The following LMBRD1 variants were observed in gnomAD, a reference collection of about 807,000 sequenced individuals.
LMBRD1 encodes lysosomal cobalamin transport escort protein LMBD1.
LMBRD1 carries 64 observed loss-of-function variants against 74.8 expected under a neutral mutation model. That is an observed-to-expected ratio of 0.86 (90% confidence interval 0.70 to 1.05). LMBRD1 has a LOEUF of 1.05. Ranked by LOEUF, LMBRD1 falls within the 50% of genes least tolerant of loss-of-function variation. The pLI is 0.00. For missense variants in LMBRD1, 652 were observed against 645.9 expected (o/e 1.01, Z -0.10); for synonymous variants, 204 against 216.3 (o/e 0.94, Z 0.50).
intron 7 of LMBRD1, among the ~76,000 whole-genome samples, chr6:69,719,755 A>C (rs993343429): frequency 6.6e-6 from 1 of 152,206 alleles, no homozygotes; most frequent in Admixed American, 6.5e-5. Context: ...ATTACTGACC[A>C]TATTTCCTTA....
At chr6:69,678,891 T>C (rs1222178531) in intron 14 of LMBRD1, among the ~76,000 whole-genome samples, 1 of 152,018 alleles carries the variant, frequency 6.6e-6, no homozygotes, top group Non-Finnish European at 1.5e-5. Flanking sequence ...TTTATCAACA[T>C]ATAAGACTTG....
chr6:69,741,591 G>A (rs917909164), intron 6 of LMBRD1, among the ~76,000 whole-genome samples, 198 bp downstream of exon 6: 1 of 152,034 alleles, frequency 6.6e-6, no homozygotes. Context: ...TGGCCATGTT[G>A]GCCAGGCTGG....
chr6:69,692,161 A>G (rs538596530), intron 14 of LMBRD1, among the ~76,000 whole-genome samples: 3 of 152,224 alleles, frequency 2.0e-5, no homozygotes, highest in South Asian at 4.2e-4. Flanking sequence ...AGTTTGGTAC[A>G]TAGGTTTCCA....
At chr6:69,681,318 A>G (rs946940487) in intron 14 of LMBRD1, among the ~76,000 whole-genome samples, 4 of 152,066 alleles carry the variant, frequency 2.6e-5, no homozygotes, top group Admixed American at 2.0e-4. Context: ...AAACAGAGAA[A>G]TAACAGGAAA....
chr6:69,716,291 A>G (rs889598021), intron 8 of LMBRD1, among the ~76,000 whole-genome samples: 1 of 151,828 alleles, frequency 6.6e-6, no homozygotes, highest in African/African-American at 2.4e-5. Context: ...TTATTTTTTG[A>G]CTTTTTAATA....
At chr6:69,714,643 T>C (rs1766452860) in intron 8 of LMBRD1, among the ~76,000 whole-genome samples, 2 of 152,162 alleles carry the variant, frequency 1.3e-5, no homozygotes, top group Admixed American at 1.3e-4. Context: ...ATATTCCTAT[T>C]AAGGTTTAAA....
At position 69,676,206 on chromosome 6, in the gene LMBRD1, A is replaced by C; in HGVS notation, c.1575T>G (p.Asp525Glu). 1.2e-6 allele frequency: 2 copies of C among 1,613,500 alleles called. No homozygotes were observed. Among genetic ancestry groups the C allele is most frequent in the Non-Finnish European group, 1.7e-6 (2 of 1,179,660 alleles). The part of the protein sequence containing the change: ...KGKKSVIEGV[D>E]EDSDISDDEP... Reference sequence around the variant, plus strand: ...CATCATCACTTATGTCTGAATCTTCATCTACTCCTTCAATAACCGATTTCT... The same window carrying C: ...CATCATCACTTATGTCTGAATCTTCCTCTACTCCTTCAATAACCGATTTCT... The change falls in exon 16 of 16, where the codon GAT (aspartate) becomes GAG (glutamate). Residue 525 changes from aspartate to glutamate, a missense_variant. Physicochemically the swap from Asp to Glu is conservative, Grantham distance 45 (BLOSUM62 2). Coordinates refer to ENST00000649934, the MANE Select transcript of LMBRD1 (RefSeq NM_018368.4).
At chr6:69,737,246 T>C (rs1176787374) in intron 7 of LMBRD1, among the ~76,000 whole-genome samples, 1 of 152,158 alleles carries the variant, frequency 6.6e-6, no homozygotes, top group Non-Finnish European at 1.5e-5. Context: ...ATATTAATGC[T>C]GCTTATACAA....
intron 5 of LMBRD1, among the ~76,000 whole-genome samples, chr6:69,744,264 A>G (rs986872156): frequency 4.6e-5 from 7 of 152,212 alleles, no homozygotes; most frequent in Non-Finnish European, 1.0e-4. Context: ...CCAAAAACAC[A>G]AAGTACTAGA....
chr6:69,722,633 G>A (rs1427311898), intron 7 of LMBRD1, among the ~76,000 whole-genome samples: 1 of 151,880 alleles, frequency 6.6e-6, no homozygotes, highest in African/African-American at 2.4e-5. Context: ...TAAAATAATG[G>A]GTTATAAAAT....
chr6:69,761,387 T>C (rs553422813), intron 3 of LMBRD1, among the ~76,000 whole-genome samples: 31 of 152,290 alleles, frequency 2.0e-4, no homozygotes, highest in African/African-American at 6.5e-4. Flanking sequence ...TAATTCACAA[T>C]TGTATAGCAA....
chr6:69,769,069 T>C lies in LMBRD1; in HGVS notation c.307+11425A>G, dbSNP rs144071687. Among the ~76,000 whole-genome samples, 559 of 152,254 alleles carry C rather than the reference T, an allele frequency of 3.7e-3. 5 individuals are homozygous for C. The highest frequency in any genetic ancestry group is 0.011 in the South Asian group (51 of 4,828). ...GCTTCTTAGATGGGTAGATTGCTTT[T>C]TGGCCATAATTTCTTCAAACTTTTT... On this transcript the variant is annotated intron_variant, in intron 3 of 15. Coordinates refer to ENST00000649934, the MANE Select transcript of LMBRD1 (RefSeq NM_018368.4).
intron 8 of LMBRD1, among the ~76,000 whole-genome samples, chr6:69,716,128 T>C (rs1316291387): frequency 1.3e-5 from 2 of 152,216 alleles, no homozygotes; most frequent in Non-Finnish European, 2.9e-5. Flanking sequence ...TCTGGGTATA[T>C]ACCCTCTAAT....
At chr6:69,720,101 C>A (rs2149857184) in intron 7 of LMBRD1, among the ~76,000 whole-genome samples, 1 of 152,240 alleles carries the variant, frequency 6.6e-6, no homozygotes, top group Admixed American at 6.5e-5. Context: ...TTCACTAAAT[C>A]TCTTTTATGC....
intron 14 of LMBRD1, among the ~76,000 whole-genome samples, chr6:69,689,588 G>C (rs1341504243): frequency 6.6e-6 from 1 of 152,072 alleles, no homozygotes; most frequent in Non-Finnish European, 1.5e-5. Context: ...TGATAAATAA[G>C]CTATTTTAGT....
At chr6:69,738,060 C>T (rs139214708) in intron 6 of LMBRD1, 45 bp from the exon 7 acceptor site, 3 of 1,343,160 alleles carry the variant, frequency 2.2e-6, no homozygotes, top group South Asian at 2.4e-5. Context: ...ATATACTACT[C>T]AAATCCTTAT....
At chr6:69,736,585 C>T (rs6905645) in intron 7 of LMBRD1, among the ~76,000 whole-genome samples, 86,333 of 151,940 alleles carry the variant, frequency 0.57, 25,025 homozygotes, top group East Asian at 0.74. Flanking sequence ...ACATTACATA[C>T]TGAATTTCTC....
rs139268763 is a variant in LMBRD1, at chr6:69,789,171, T to C, written c.246+1125A>G. The stretch of plus-strand genomic sequence containing the variant: ...GTTTTCACAGCAATCAGAGTATATC[T>C]AATTTTCATAGTAATCAGAATAAAT... On this transcript the variant is annotated intron_variant, in intron 2 of 15. Coordinates refer to ENST00000649934, the MANE Select transcript of LMBRD1 (RefSeq NM_018368.4). Among the ~76,000 whole-genome samples the C allele has an allele frequency of 4.9e-3, 742 of 152,352 alleles. 12 individuals are homozygous for C. The highest frequency in any genetic ancestry group is 0.015 in the African/African-American group (617 of 41,578).
chr6:69,725,087 TA>T (rs1766697818), intron 7 of LMBRD1, among the ~76,000 whole-genome samples: 2 of 151,370 alleles, frequency 1.3e-5, no homozygotes, highest in Admixed American at 1.3e-4. Flanking sequence ...ATCAGAAAAA[TA>T]AATTTAAAAA....
Sources: gnomAD v4.1 joint callset for allele counts (sites outside exome capture counted in the v4.1 genomes callset) on GRCh38, gnomAD v4.1.1 for gene constraint, MANE v1.5 for transcripts, NCBI Gene and HGNC (gene_info 2026-07-23, HGNC 2026-07-21) for gene names.